The following MNAT1 variants were observed in gnomAD, a reference collection of about 807,000 sequenced individuals.
MNAT1 encodes the protein MNAT1 component of CDK activating kinase.
A neutral mutation model predicts 42.0 loss-of-function variants in MNAT1; 43 were observed. The ratio of observed to expected loss-of-function variants is 1.02; its 90% CI spans 0.80 to 1.32. The LOEUF (loss-of-function observed/expected upper bound fraction) is 1.32, where lower values mean the gene tolerates loss of function less well. Ranked by LOEUF, MNAT1 falls within the 40% of genes most tolerant of loss-of-function variation. The pLI is 0.00. For missense variants in MNAT1, 306 were observed against 350.4 expected (o/e 0.87, Z 1.01); for synonymous variants, 118 against 120.0 (o/e 0.98, Z 0.11).
intron 7 of MNAT1, among the ~76,000 whole-genome samples, chr14:60,943,003 AGTGTGT>A (rs138575597): frequency 0.15 from 11,863 of 78,334 alleles, 1,072 homozygotes; most frequent in African/African-American, 0.17. Context: ...AACCACATGT[AGTGTGT>A]GTGTGTGTGT....
chr14:60,750,797 A>G (rs2030058107), intron 1 of MNAT1, among the ~76,000 whole-genome samples: 2 of 152,162 alleles, frequency 1.3e-5, no homozygotes, highest in Non-Finnish European at 2.9e-5. Flanking sequence ...CAGGGGAACA[A>G]AAATGTCTGG....
chr14:60,934,770 C>A (rs141860835), intron 7 of MNAT1, among the ~76,000 whole-genome samples: 39 of 152,284 alleles, frequency 2.6e-4, no homozygotes, highest in Middle Eastern at 3.4e-3. Flanking sequence ...CATTTCATCT[C>A]TTCTGTCTTT....
At chr14:60,786,715 T>C (rs2031663858) in intron 1 of MNAT1, among the ~76,000 whole-genome samples, 1 of 152,232 alleles carries the variant, frequency 6.6e-6, no homozygotes, top group African/African-American at 2.4e-5. Context: ...TTAAAAATGC[T>C]TGGCTTAAGA....
At chr14:60,940,504 G>C (rs981722783) in intron 7 of MNAT1, among the ~76,000 whole-genome samples, 1 of 152,170 alleles carries the variant, frequency 6.6e-6, no homozygotes, top group African/African-American at 2.4e-5. Flanking sequence ...TGCAAGCTCT[G>C]CCTCCCAGGT....
At chr14:60,792,556 G>A (rs2031862183) in intron 1 of MNAT1, among the ~76,000 whole-genome samples, 1 of 152,128 alleles carries the variant, frequency 6.6e-6, no homozygotes, top group African/African-American at 2.4e-5. Context: ...AGCTAACGAA[G>A]AATGGAAAGT....
At position 60,856,201 on chromosome 14, in the gene MNAT1, A is replaced by G. The variant is rs564388742; in HGVS notation, c.688-23513A>G. ...AAAGTTAAAAGTGCTACTCCAAAAG[A>G]AACGTTCTTGAAGGAAATTAAAAGT... On this transcript the variant is annotated intron_variant, in intron 6 of 7. Coordinates refer to ENST00000261245, the MANE Select transcript of MNAT1 (RefSeq NM_002431.4). Among the ~76,000 whole-genome samples, 37 of 152,368 alleles carry G rather than the reference A, an allele frequency of 2.4e-4. 1 individual carries two copies. Among genetic ancestry groups the G allele is most frequent in the African/African-American group, 8.4e-4 (35 of 41,594 alleles).
intron 1 of MNAT1, among the ~76,000 whole-genome samples, chr14:60,762,508 T>G (rs2030644345): frequency 6.6e-6 from 1 of 151,910 alleles, no homozygotes; most frequent in Non-Finnish European, 1.5e-5. Flanking sequence ...ATGTCATCTC[T>G]ACTAAATGAC....
At chr14:60,850,290 A>C (rs1482545806) in intron 6 of MNAT1, among the ~76,000 whole-genome samples, 1 of 152,220 alleles carries the variant, frequency 6.6e-6, no homozygotes, top group Non-Finnish European at 1.5e-5. Context: ...GGTAAATAAC[A>C]CATACTTTTT....
chr14:60,799,110 C>T lies in MNAT1; in HGVS notation c.316+950C>T, dbSNP rs74433085. On this transcript the variant is annotated intron_variant, in intron 3 of 7. Coordinates refer to ENST00000261245, the MANE Select transcript of MNAT1 (RefSeq NM_002431.4). ...TTTTTGTTTCAACTGTTACCTGAAA[C>T]TTTTCTCATATGTCTAAGTTCATTT... is the stretch of plus-strand genomic sequence containing the variant. The T allele has an allele frequency of 6.3e-4, 213 of 336,342 alleles. No homozygotes were observed. In the East Asian group the frequency reaches 0.021, roughly 34 times the overall value. The allele number at this position is 336,342 out of a possible 1,614,324, so 20.8% of individuals were successfully genotyped here. A position where few individuals can be genotyped will look rare whatever the true frequency, so the allele number is the denominator to read the frequency against.
intron 5 of MNAT1, among the ~76,000 whole-genome samples, chr14:60,814,831 A>G (rs1212474589): frequency 6.6e-6 from 1 of 152,186 alleles, no homozygotes; most frequent in East Asian, 1.9e-4. Context: ...AGCAACTTTC[A>G]TTAGTTCTTT....
intron 7 of MNAT1, among the ~76,000 whole-genome samples, chr14:60,889,489 A>G (rs1428300287): frequency 1.3e-5 from 2 of 152,204 alleles, no homozygotes; most frequent in Non-Finnish European, 1.5e-5. Flanking sequence ...ATCTAAAACC[A>G]TAAAAACCCT....
intron 7 of MNAT1, among the ~76,000 whole-genome samples, chr14:60,939,719 T>G (rs761150639): frequency 3.9e-5 from 6 of 152,072 alleles, no homozygotes; most frequent in East Asian, 1.9e-4. Flanking sequence ...TTGATTTGGG[T>G]TGGAGAGTTC....
intron 7 of MNAT1, among the ~76,000 whole-genome samples, chr14:60,960,923 C>CATTTA (rs2036576271): frequency 6.6e-6 from 1 of 152,120 alleles, no homozygotes; most frequent in Non-Finnish European, 1.5e-5. Context: ...CCAAAGTGGA[C>CATTTA]CATTTACATT....
chr14:60,927,931 C>G (rs903644371), intron 7 of MNAT1, among the ~76,000 whole-genome samples: 2 of 152,144 alleles, frequency 1.3e-5, no homozygotes, highest in Admixed American at 6.5e-5. Flanking sequence ...GCTTTTTAAA[C>G]AAAGTGCCTG....
chr14:60,914,743 A>G (rs1257842898), intron 7 of MNAT1, among the ~76,000 whole-genome samples: 1 of 152,138 alleles, frequency 6.6e-6, no homozygotes, highest in Non-Finnish European at 1.5e-5. Flanking sequence ...AGCCTTAGGG[A>G]GATTTAAAAA....
intron 6 of MNAT1, among the ~76,000 whole-genome samples, chr14:60,834,016 G>A (rs2033300786): frequency 6.6e-6 from 1 of 152,130 alleles, no homozygotes; most frequent in Admixed American, 6.5e-5. Flanking sequence ...GGGATCAGTG[G>A]TGACATTCTC....
intron 6 of MNAT1, among the ~76,000 whole-genome samples, chr14:60,831,515 T>C (rs1343412369): frequency 2.0e-5 from 3 of 152,222 alleles, no homozygotes; most frequent in African/African-American, 7.2e-5. Context: ...CCTCATCCTT[T>C]TTTATGGCTA....
Position 60,734,866 on chromosome 14 carries a change from G to A in MNAT1, c.4G>A (p.Asp2Asn). The A allele has an allele frequency of 1.2e-6, 2 of 1,614,112 alleles. No individual in the cohort carries two copies. The highest frequency in any genetic ancestry group is 1.1e-5 in the South Asian group (1 of 91,066). ...AGTCTGTAGGAGGGAAACCGCCATGGACGATCAGGGTTGCCCTCGGTGTAA... is the reference window on the plus strand; with the variant it reads ...AGTCTGTAGGAGGGAAACCGCCATGAACGATCAGGGTTGCCCTCGGTGTAA... The part of the protein sequence containing the change: M[D>N]DQGCPRCKTT... Residue 2 changes from aspartate (D) to asparagine (N), a missense_variant, in exon 1 of 8, where the codon GAC becomes AAC. Physicochemically the swap from Asp to Asn is conservative, Grantham distance 23. This residue lies in a region of MNAT1 where 72 missense variants were observed against 111.0 expected (regional missense o/e 0.65). Transcript: ENST00000261245. The surrounding 1 kb of genome is among the most constrained non-coding windows in gnomAD (Gnocchi z 4.3).
intron 7 of MNAT1, among the ~76,000 whole-genome samples, chr14:60,899,773 T>C (rs1317559202): frequency 6.6e-6 from 1 of 152,238 alleles, no homozygotes; most frequent in Non-Finnish European, 1.5e-5. Context: ...CCTCATTTTA[T>C]TGCATTTCGT....
Sources: allele counts gnomAD v4.1 joint callset (sites outside exome capture counted in the v4.1 genomes callset), GRCh38; gene constraint gnomAD v4.1.1; regional missense constraint gnomAD v4.1.1; non-coding constraint Gnocchi (gnomAD v3.1); transcripts MANE v1.5; gene names NCBI Gene and HGNC (gene_info 2026-07-23, HGNC 2026-07-21).